DNAH6: variants seen among roughly 807,000 people sequenced by gnomAD.
DNAH6 encodes the protein dynein axonemal heavy chain 6, also known as axonemal beta dynein heavy chain 6.
In DNAH6, 340 loss-of-function variants were observed where a neutral mutation model predicts 491.4. The observed-to-expected ratio is 0.69, with a 90% CI of 0.63 to 0.76. The LOEUF (loss-of-function observed/expected upper bound fraction) is 0.76. Ranked by LOEUF, DNAH6 falls within the 30% of genes least tolerant of loss-of-function variation. The pLI is 0.00. For synonymous variants in DNAH6, 1,603 were observed against 1,686.1 expected, an observed-to-expected ratio of 0.95 and a Z score of 1.21; for missense variants, 4,443 against 4,972.2, an observed-to-expected ratio of 0.89 and a Z score of 3.20.
At position 84,599,264 on chromosome 2, in the gene DNAH6, C is replaced by T. The variant is rs186296858; in HGVS notation, c.2868+3475C>T. 8.5e-4 allele frequency among the ~76,000 whole-genome samples: 129 copies of T among 151,986 alleles called. 1 individual carries two copies. The highest frequency in any genetic ancestry group is 1.9e-3 in the East Asian group (10 of 5,178). ...ATATGTAACTTGAAAATATTTTCTT[C>T]CAGTCAGTTGCTTGTCTTTTCAGTT... On this transcript the variant is annotated intron_variant, in intron 18 of 76. Coordinates refer to ENST00000389394, the MANE Select transcript of DNAH6 (RefSeq NM_001370.2).
At chr2:84,664,661 A>C (rs1296565867) in intron 37 of DNAH6, among the ~76,000 whole-genome samples, 1 of 152,134 alleles carries the variant, frequency 6.6e-6, no homozygotes, top group Non-Finnish European at 1.5e-5. Flanking sequence ...AGATTTTAAC[A>C]CCCCACTGTC....
chr2:84,809,500 G>A (rs1488792779), intron 72 of DNAH6, among the ~76,000 whole-genome samples: 1 of 152,144 alleles, frequency 6.6e-6, no homozygotes, highest in Admixed American at 6.5e-5. Flanking sequence ...AAGTCAGCAG[G>A]CTAAGTCTCT....
intron 60 of DNAH6, among the ~76,000 whole-genome samples, chr2:84,723,845 T>C (rs1698396285): frequency 6.6e-6 from 1 of 152,226 alleles, no homozygotes; most frequent in South Asian, 2.1e-4. Context: ...TGTAGCAGCA[T>C]TCATTTTTTC....
chr2:84,476,402 C>T, the DNAH6 span, among the ~76,000 whole-genome samples: 2 of 152,192 alleles, frequency 1.3e-5, no homozygotes, highest in African/African-American at 4.8e-5. Flanking sequence ...GTAGCTAATT[C>T]ATCTTCTGGC....
intron 65 of DNAH6, among the ~76,000 whole-genome samples, chr2:84,783,779 G>A (rs1676926149): frequency 6.6e-6 from 1 of 152,140 alleles, no homozygotes; most frequent in African/African-American, 2.4e-5. Flanking sequence ...TAAACCACAT[G>A]GTAAATAAGT....
chr2:84,560,364 A>T (rs535661947), intron 11 of DNAH6, among the ~76,000 whole-genome samples: 65 of 152,106 alleles, frequency 4.3e-4, no homozygotes, highest in Non-Finnish European at 6.8e-4. Flanking sequence ...AAAAAAACTC[A>T]TGGAAAGAAA....
In DNAH6 at chr2:84,547,501, C is replaced by T. The variant is rs531016943; in HGVS notation, c.1075C>T (p.Arg359Cys). The change falls in exon 7 of 77, where the codon CGC becomes TGC. Residue 359 changes from arginine (R) to cysteine (C), a missense_variant. Arg to Cys is a radical substitution (Grantham distance 180). Transcript: ENST00000389394. ...ATTCAACAATATCTAGGTGACAGAA[C>T]GCCTAGGAGAATTTCGAAATGAGGC... is the stretch of plus-strand genomic sequence containing the variant. Reference protein sequence around the residue: ...QVIRLAEVTERLGEFRNEAKY... With the variant: ...QVIRLAEVTECLGEFRNEAKY... 26 of 1,551,548 alleles carry T rather than the reference C, an allele frequency of 1.7e-5. No homozygotes were observed. Among genetic ancestry groups the T allele is most frequent in the Middle Eastern group, 3.3e-4 (2 of 5,990 alleles).
intron 60 of DNAH6, 121 bp from the exon 61 acceptor site, chr2:84,727,548 T>TA: frequency 1.6e-6 from 1 of 643,826 alleles, no homozygotes. Flanking sequence ...ATTGAGGACT[T>TA]ACTGTATTCA....
chr2:84,736,662 T>C (rs1331264426), intron 62 of DNAH6, among the ~76,000 whole-genome samples: 1 of 152,294 alleles, frequency 6.6e-6, no homozygotes, highest in East Asian at 1.9e-4. Flanking sequence ...GAAATGCTAC[T>C]GATTTTTGTA....
intron 28 of DNAH6, 21 bp from the exon 29 acceptor site, chr2:84,624,881 A>C (rs773977353): frequency 1.7e-4 from 259 of 1,531,536 alleles, no homozygotes; most frequent in Non-Finnish European, 2.1e-4. Context: ...CTTCATATTG[A>C]TAATGCATTG....
chr2:84,684,897 A>C (rs1036204999), intron 42 of DNAH6, among the ~76,000 whole-genome samples: 1 of 152,260 alleles, frequency 6.6e-6, no homozygotes, highest in African/African-American at 2.4e-5. Context: ...GAGGACTGAC[A>C]TTGGGGAAGA....
the DNAH6 span, among the ~76,000 whole-genome samples, chr2:84,481,963 C>T: frequency 6.6e-6 from 1 of 152,270 alleles, no homozygotes; most frequent in Admixed American, 6.5e-5. Flanking sequence ...TGGCTCTGCC[C>T]CTACACATTC....
intron 68 of DNAH6, among the ~76,000 whole-genome samples, chr2:84,793,714 T>C (rs1300566505): frequency 6.6e-6 from 1 of 152,198 alleles, no homozygotes; most frequent in Non-Finnish European, 1.5e-5. Context: ...GATACAGGGA[T>C]TCAGCAACTT....
At chr2:84,633,003 C>T (rs909848499) in intron 29 of DNAH6, among the ~76,000 whole-genome samples, 2 of 152,206 alleles carry the variant, frequency 1.3e-5, no homozygotes, top group Non-Finnish European at 2.9e-5. Flanking sequence ...CAGCTTGTTT[C>T]CCCCAAATGC....
intron 14 of DNAH6, 83 bp from the exon 15 acceptor site, chr2:84,583,916 A>G: frequency 7.4e-7 from 1 of 1,359,936 alleles, no homozygotes; most frequent in Non-Finnish European, 1.0e-6. Flanking sequence ...CATATTGTAC[A>G]GTGTCTGTCT....
At chr2:84,562,579 G>T (rs181508794) in intron 11 of DNAH6, among the ~76,000 whole-genome samples, 1 of 152,138 alleles carries the variant, frequency 6.6e-6, no homozygotes, top group African/African-American at 2.4e-5. Context: ...AAGAGACCTC[G>T]CAGGACTCAG....
intron 33 of DNAH6, among the ~76,000 whole-genome samples, chr2:84,642,398 G>A (rs1333370271): frequency 6.6e-6 from 1 of 152,030 alleles, no homozygotes; most frequent in Non-Finnish European, 1.5e-5. Flanking sequence ...TTTGTTGTTT[G>A]TTGTTTAGTT....
rs1351299060 is a variant in DNAH6 at position 84,547,274 on chromosome 2, C to T, written c.937C>T (p.Arg313Ter). Residue 313 changes from arginine to a stop codon, truncating the protein, a stop_gained, in exon 6 of 77, where the codon CGA (arginine) becomes TGA (stop). Coordinates refer to ENST00000389394, the MANE Select transcript of DNAH6 (RefSeq NM_001370.2). LOFTEE classifies it high-confidence loss of function. ...KNLFIVNPHLRPALLKINELC... is the reference protein window; with the variant it reads ...KNLFIVNPHL ...AATTCCTATTTTCATTCAGCATTTG[C>T]GACCAGCTCTTCTTAAAATAAATGA... 11 of 1,533,104 alleles carry T rather than the reference C, an allele frequency of 7.2e-6. No individual in the cohort carries two copies. Among genetic ancestry groups the T allele is most frequent in the East Asian group, 2.5e-5 (1 of 40,796 alleles). The allele number at this position is 1,533,104 out of a possible 1,614,324, so 95.0% of individuals were successfully genotyped here. A position where few individuals can be genotyped will look rare whatever the true frequency, so the allele number is the denominator to read the frequency against.
At chr2:84,523,104 G>A (rs1490469162) in intron 2 of DNAH6, among the ~76,000 whole-genome samples, 11 of 150,918 alleles carry the variant, frequency 7.3e-5, no homozygotes. Context: ...TCATTGCTAG[G>A]CTATTTATTA....
Sources: allele counts gnomAD v4.1 joint callset (sites outside exome capture counted in the v4.1 genomes callset), GRCh38; gene constraint gnomAD v4.1.1; transcripts MANE v1.5; gene names NCBI Gene and HGNC (gene_info 2026-07-23, HGNC 2026-07-21).